Variants in ELP4 observed in about 807,000 individuals in gnomAD.
ELP4 encodes the protein elongator acetyltransferase complex subunit 4.
ELP4 carries 51 observed loss-of-function variants against 48.9 expected under a neutral mutation model. The observed-to-expected ratio is 1.04, with a 90% CI of 0.83 to 1.32. ELP4 has a LOEUF of 1.32. Among genes scored for constraint, ELP4 ranks in the 40% most tolerant of loss-of-function variants. The pLI, the probability that ELP4 is intolerant of heterozygous loss-of-function variation, is 0.00. For synonymous variants in ELP4, 210 were observed against 189.2 expected (o/e 1.11, Z -0.90); for missense variants, 519 against 514.6 (o/e 1.01, Z -0.08).
intron 2 of ELP4, among the ~76,000 whole-genome samples, chr11:31,537,957 A>T (rs1956528297): frequency 6.6e-6 from 1 of 152,198 alleles, no homozygotes; most frequent in African/African-American, 2.4e-5. Flanking sequence ...TCTACAGATC[A>T]GTTTGAAGAT....
chr11:31,681,988 G>T (rs1026856764), intron 9 of ELP4: 3 of 1,072,116 alleles, frequency 2.8e-6, no homozygotes, highest in Non-Finnish European at 3.8e-6. Context: ...TGATTCATCC[G>T]CCTCAGCCTC....
intron 9 of ELP4, among the ~76,000 whole-genome samples, chr11:31,665,936 T>A (rs984830026): frequency 6.6e-6 from 1 of 151,576 alleles, no homozygotes. Context: ...ATTACAAGTA[T>A]GAGCCAAGGT....
intron 3 of ELP4, among the ~76,000 whole-genome samples, chr11:31,548,191 A>C (rs1485519237): frequency 6.6e-6 from 1 of 152,226 alleles, no homozygotes; most frequent in Non-Finnish European, 1.5e-5. Context: ...AGAGGAAGTC[A>C]AATTGTCCCT....
intron 9 of ELP4, among the ~76,000 whole-genome samples, chr11:31,765,225 A>G (rs1948018588): frequency 6.6e-6 from 1 of 152,198 alleles, no homozygotes; most frequent in Non-Finnish European, 1.5e-5. Context: ...TTATTCTAAA[A>G]TTTAACTGTT....
chr11:31,683,071 C>T (rs1946087924), intron 9 of ELP4, among the ~76,000 whole-genome samples: 1 of 151,968 alleles, frequency 6.6e-6, no homozygotes. Flanking sequence ...TTTTTCTTTA[C>T]CTTCCCTCTC....
At chr11:31,651,319 G>A (rs1260223641) in intron 9 of ELP4, 2 of 151,654 alleles carry the variant, frequency 1.3e-5, no homozygotes, top group African/African-American at 2.4e-5. Context: ...CTAATTAATG[G>A]TCATCAATGT....
chr11:31,767,947 G>A (rs1313298534), intron 9 of ELP4: 4 of 152,182 alleles, frequency 2.6e-5, no homozygotes, highest in Non-Finnish European at 5.9e-5. Context: ...GGTGAGGAGG[G>A]AGGTTTGTGG....
At chr11:31,637,738 C>G (rs1945011806) in intron 7 of ELP4, among the ~76,000 whole-genome samples, 1 of 151,922 alleles carries the variant, frequency 6.6e-6, no homozygotes, top group Admixed American at 6.6e-5. Flanking sequence ...TTACCACTAG[C>G]AAAATTTGTC....
At chr11:31,575,720 C>G (rs1477011089) in intron 3 of ELP4, among the ~76,000 whole-genome samples, 2 of 152,144 alleles carry the variant, frequency 1.3e-5, no homozygotes, top group Non-Finnish European at 2.9e-5. Context: ...AAATAAAATC[C>G]TTTACAGACA....
intron 9 of ELP4, chr11:31,767,591 A>T (rs1055830366): frequency 1.3e-5 from 2 of 152,226 alleles, no homozygotes; most frequent in African/African-American, 4.8e-5. Flanking sequence ...ACAACCAAAA[A>T]AAAAGACCCT....
chr11:31,528,143 T>A lies in ELP4; in HGVS notation c.259+8052T>A, dbSNP rs1956328620. 2.0e-5 allele frequency among the ~76,000 whole-genome samples: 3 copies of A among 152,124 alleles called. No homozygotes were observed. In the South Asian group the frequency reaches 6.2e-4, roughly 31 times the overall value. The stretch of plus-strand genomic sequence containing the variant: ...TCTGTAGTAGTCTTTATTTACCTTA[T>A]CATGGCACTTACTACACATTTTTTA... On this transcript the variant is annotated intron_variant, in intron 2 of 9. Coordinates refer to ENST00000640961, the MANE Select transcript of ELP4 (RefSeq NM_019040.5).
At chr11:31,549,732 C>G (rs957664475) in intron 3 of ELP4, among the ~76,000 whole-genome samples, 3 of 152,192 alleles carry the variant, frequency 2.0e-5, no homozygotes, top group African/African-American at 7.2e-5. Context: ...GACTTGGTAC[C>G]TACCCAAATG....
intron 5 of ELP4, among the ~76,000 whole-genome samples, chr11:31,616,807 G>A (rs1944495316): frequency 6.6e-6 from 1 of 151,960 alleles, no homozygotes; most frequent in Admixed American, 6.6e-5. Context: ...AGGCTAACAA[G>A]CATATCAATA....
chr11:31,726,410 G>A (rs943585253), intron 9 of ELP4, among the ~76,000 whole-genome samples: 1 of 152,094 alleles, frequency 6.6e-6, no homozygotes, highest in African/African-American at 2.4e-5. Flanking sequence ...AAGGATACAG[G>A]GGAACACATG....
At chr11:31,679,086 A>G (rs924428093) in intron 9 of ELP4, among the ~76,000 whole-genome samples, 4 of 152,142 alleles carry the variant, frequency 2.6e-5, no homozygotes, top group African/African-American at 7.2e-5. Flanking sequence ...GTCTATGCAC[A>G]TCTTTTGCCC....
chr11:31,539,656 T>G lies in ELP4; in HGVS notation c.260-6T>G. On this transcript the variant is annotated splice_polypyrimidine_tract_variant and splice_region_variant and intron_variant, in intron 2 of 9. Coordinates refer to ENST00000640961, the MANE Select transcript of ELP4 (RefSeq NM_019040.5). ...TGTTTCTAACTGCAACTTTTCCTTT[T>G]TACAGAGGAGGATAAATATAATATT... 6.3e-7 allele frequency: 1 copy of G among 1,596,726 alleles called. No homozygotes were observed. The highest frequency in any genetic ancestry group is 8.5e-7 in the Non-Finnish European group (1 of 1,173,378).
At chr11:31,550,722 C>T (rs754239698) in intron 3 of ELP4, among the ~76,000 whole-genome samples, 12 of 152,148 alleles carry the variant, frequency 7.9e-5, no homozygotes, top group Non-Finnish European at 1.6e-4. Flanking sequence ...AGGAGCTTGT[C>T]GTGGTGGAAA....
intron 9 of ELP4, among the ~76,000 whole-genome samples, chr11:31,718,003 C>G (rs1054822564): frequency 5.3e-5 from 8 of 152,046 alleles, no homozygotes; most frequent in African/African-American, 1.9e-4. Flanking sequence ...CACTATGTTG[C>G]ACAGGCTGGT....
intron 9 of ELP4, chr11:31,763,649 A>C (rs1947991505): frequency 1.7e-6 from 2 of 1,199,184 alleles, no homozygotes; most frequent in Admixed American, 2.7e-5. Flanking sequence ...AGGTGTTCAC[A>C]TACTGCTATT....
Sources: allele counts gnomAD v4.1 joint callset (sites outside exome capture counted in the v4.1 genomes callset), GRCh38; gene constraint gnomAD v4.1.1; transcripts MANE v1.5; gene names NCBI Gene and HGNC (gene_info 2026-07-23, HGNC 2026-07-21).